The following TBC1D5 variants were observed in gnomAD, a reference collection of about 807,000 sequenced individuals.
The protein encoded by TBC1D5 is TBC1 domain family member 5.
A neutral mutation model predicts 100.3 loss-of-function variants in TBC1D5; 75 were observed. That is an observed-to-expected ratio of 0.75 (90% CI 0.62 to 0.91). The LOEUF (loss-of-function observed/expected upper bound fraction) is 0.91, where lower values mean the gene tolerates loss of function less well. Ranked by LOEUF, TBC1D5 falls within the 40% of genes least tolerant of loss-of-function variation. The pLI is 0.00. For missense variants in TBC1D5, 910 were observed against 942.4 expected, an observed-to-expected ratio of 0.97 and a Z score of 0.45; for synonymous variants, 323 against 325.6, an observed-to-expected ratio of 0.99 and a Z score of 0.09.
At position 17,245,022 on chromosome 3, in the gene TBC1D5, C is replaced by CAA. The variant is rs34531807; in HGVS notation, c.1332-6605_1332-6604dup. On this transcript the variant is annotated intron_variant, in intron 16 of 21. Coordinates refer to ENST00000253692, the Ensembl canonical transcript of TBC1D5. ...GCGATATAGTGAGACCCTGTCTCTA[C>CAA]AAAAAAAAAAAAAAAAAAAAAAAAG... Among the ~76,000 whole-genome samples the CAA allele has an allele frequency of 8.2e-3, 289 of 35,218 alleles. 6 individuals are homozygous for CAA. The highest frequency in any genetic ancestry group is 0.019 in the South Asian group (14 of 752). The allele number at this position is 35,218 out of a possible 152,430, so 23.1% of individuals were successfully genotyped here. A position where few individuals can be genotyped will look rare whatever the true frequency, so the allele number is the denominator to read the frequency against.
At position 17,647,870 on chromosome 3, in the gene TBC1D5, G is replaced by GA. The variant is rs1560369484; in HGVS notation, c.-100-23958dup. Among the ~76,000 whole-genome samples, 3 of 152,214 alleles carry GA rather than the reference G, an allele frequency of 2.0e-5. No individual in the cohort carries two copies. In the South Asian group the frequency reaches 6.2e-4, roughly 32 times the overall value. On this transcript the variant is annotated intron_variant, in intron 1 of 21. Coordinates refer to ENST00000253692, the Ensembl canonical transcript of TBC1D5. ...TAGTCCAAAGGGAGATAGCTAAGAG[G>GA]ATTCTGCAAAGTCCAGGTGACAATG...
At chr3:17,348,212 T>C (rs1009017839) in intron 13 of TBC1D5, among the ~76,000 whole-genome samples, 1 of 152,204 alleles carries the variant, frequency 6.6e-6, no homozygotes, top group Admixed American at 6.5e-5. Flanking sequence ...TTGCTGAAAA[T>C]CACCTTGGAA....
At chr3:17,294,628 A>G (rs1014626478) in intron 14 of TBC1D5, among the ~76,000 whole-genome samples, 1 of 152,218 alleles carries the variant, frequency 6.6e-6, no homozygotes, top group Non-Finnish European at 1.5e-5. Flanking sequence ...ACATTCTTTC[A>G]TCTTTCTATC....
chr3:17,619,980 T>G (rs1395486592), intron 2 of TBC1D5, among the ~76,000 whole-genome samples: 1 of 152,194 alleles, frequency 6.6e-6, no homozygotes, highest in East Asian at 1.9e-4. Flanking sequence ...CACCTATCAC[T>G]TGGCAAAAAT....
chr3:17,297,247 C>T (rs1367405357), intron 14 of TBC1D5, among the ~76,000 whole-genome samples: 1 of 152,148 alleles, frequency 6.6e-6, no homozygotes, highest in South Asian at 2.1e-4. Flanking sequence ...AACTCCTTAT[C>T]GACTGAGGAA....
chr3:17,709,011 T>C (rs1269834501), intron 1 of TBC1D5, among the ~76,000 whole-genome samples: 2 of 152,214 alleles, frequency 1.3e-5, no homozygotes, highest in African/African-American at 4.8e-5. Context: ...TATATTTCCT[T>C]CTTCTTTGCC....
At chr3:17,541,358 T>G (rs1409708371) in intron 2 of TBC1D5, among the ~76,000 whole-genome samples, 4 of 152,172 alleles carry the variant, frequency 2.6e-5, no homozygotes, top group African/African-American at 4.8e-5. Flanking sequence ...ATAATTAAAT[T>G]TATATGGTTT....
chr3:17,288,443 G>A (rs1180001769), intron 15 of TBC1D5, among the ~76,000 whole-genome samples: 1 of 152,126 alleles, frequency 6.6e-6, no homozygotes, highest in African/African-American at 2.4e-5. Context: ...GGACTGGTTT[G>A]AAAACCCGTC....
chr3:17,491,441 G>A lies in TBC1D5; in HGVS notation c.97+17033C>T, dbSNP rs529047105. Among the ~76,000 whole-genome samples, 4 of 152,324 alleles carry A rather than the reference G, an allele frequency of 2.6e-5. No homozygotes were observed. The South Asian group carries it at 6.2e-4, about 24-fold the overall frequency. On this transcript the variant is annotated intron_variant, in intron 3 of 21. Coordinates refer to ENST00000253692, the Ensembl canonical transcript of TBC1D5. ...TTGCCCATTCAGTATGATATTGGCA[G>A]TGGGTGTGTCATAAATGGCTCTTAT... is the stretch of plus-strand genomic sequence containing the variant.
rs2078719104 is a variant in TBC1D5, at chr3:17,265,147, C to A, written c.1246-6556G>T. Among the ~76,000 whole-genome samples, 3 of 152,220 alleles carry A rather than the reference C, an allele frequency of 2.0e-5. No individual in the cohort carries two copies. The South Asian group carries it at 6.2e-4, about 32-fold the overall frequency. ...TATTAATGCAGCATTTGTTTGCTAG[C>A]ATATGAGAATATAATAATCAAAGTG... On this transcript the variant is annotated intron_variant, in intron 15 of 21. Transcript: ENST00000253692.
intron 9 of TBC1D5, among the ~76,000 whole-genome samples, chr3:17,378,071 TAATA>T (rs918195499): frequency 2.0e-5 from 3 of 151,688 alleles, no homozygotes; most frequent in African/African-American, 2.4e-5. Flanking sequence ...ATCATTAAAA[TAATA>T]AATAAGTATT....
At chr3:17,518,877 T>G (rs1348433484) in intron 2 of TBC1D5, 1 of 152,388 alleles carries the variant, frequency 6.6e-6, no homozygotes, top group East Asian at 1.9e-4. Context: ...CAAAAGTGCT[T>G]GCTCTGGCTC....
chr3:17,420,022 A>G lies in TBC1D5; in HGVS notation c.167+8428T>C, dbSNP rs137893117. Among the ~76,000 whole-genome samples the G allele has an allele frequency of 4.2e-3, 640 of 152,150 alleles. 4 individuals carry two copies. Among genetic ancestry groups the G allele is most frequent in the Admixed American group, 0.02 (299 of 15,264 alleles). On this transcript the variant is annotated intron_variant, in intron 4 of 21. Transcript: ENST00000253692. Reference sequence around the variant, plus strand: ...AGTTCTTGATAAATGCCTCCATTATAATACCAGTCATCATCTATGTTAGTT... The same window carrying G: ...AGTTCTTGATAAATGCCTCCATTATGATACCAGTCATCATCTATGTTAGTT...
At chr3:17,697,349 G>T (rs929409815) in intron 1 of TBC1D5, among the ~76,000 whole-genome samples, 2 of 152,152 alleles carry the variant, frequency 1.3e-5, no homozygotes, top group African/African-American at 4.8e-5. Flanking sequence ...TGTATATTTA[G>T]AAAACCCCAT....
rs1263175156 is a variant in TBC1D5 at position 17,337,832 on chromosome 3, CT to C, written c.996-29699del. ...AAATGGATAGTTTGATTTTTTCCCA[CT>C]GTCTGGCCTCTACCTAATGAATAGT... On this transcript the variant is annotated intron_variant, in intron 13 of 21. Coordinates refer to ENST00000253692, the Ensembl canonical transcript of TBC1D5. 4.6e-5 allele frequency among the ~76,000 whole-genome samples: 7 copies of C among 152,110 alleles called. No individual in the cohort carries two copies. In the East Asian group the frequency reaches 9.6e-4, roughly 21 times the overall value.
At chr3:17,492,167 CTG>C (rs2095647459) in intron 3 of TBC1D5, among the ~76,000 whole-genome samples, 1 of 152,006 alleles carries the variant, frequency 6.6e-6, no homozygotes, top group South Asian at 2.1e-4. Flanking sequence ...TTTATTGTCT[CTG>C]TTTTCTTCTC....
chr3:17,292,128 G>A (rs987598411), intron 14 of TBC1D5, 127 bp from the exon 15 acceptor site: 4 of 771,786 alleles, frequency 5.2e-6, no homozygotes, highest in African/African-American at 1.8e-5. Context: ...TTTGATAAAA[G>A]GGAGTAGGAA....
chr3:17,385,826 C>T (rs2093130754), intron 8 of TBC1D5, among the ~76,000 whole-genome samples: 1 of 151,958 alleles, frequency 6.6e-6, no homozygotes, highest in African/African-American at 2.4e-5. Context: ...CAGGCAGTCC[C>T]TATCCAGGAA....
intron 13 of TBC1D5, among the ~76,000 whole-genome samples, chr3:17,311,043 G>C (rs1370786192): frequency 6.6e-6 from 1 of 151,980 alleles, no homozygotes; most frequent in Non-Finnish European, 1.5e-5. Context: ...TTTACAGAAT[G>C]AGTTAGTAAT....
Sources: gnomAD v4.1 joint callset for allele counts (sites outside exome capture counted in the v4.1 genomes callset) on GRCh38, gnomAD v4.1.1 for gene constraint, MANE v1.5 for transcripts, NCBI Gene and HGNC (gene_info 2026-07-23, HGNC 2026-07-21) for gene names.